HOXC5: variants seen among roughly 807,000 people sequenced by gnomAD.
HOXC5 encodes homeobox protein Hox-C5.
A neutral mutation model predicts 20.1 loss-of-function variants in HOXC5; 19 were observed. The ratio of observed to expected loss-of-function variants is 0.94; its 90% confidence interval spans 0.66 to 1.38. The LOEUF (loss-of-function observed/expected upper bound fraction) is 1.38. Ranked by LOEUF, HOXC5 falls within the 40% of genes most tolerant of loss-of-function variation. The pLI, the probability that HOXC5 is intolerant of heterozygous loss-of-function variation, is 0.00. For missense variants in HOXC5, 330 were observed against 300.1 expected (o/e 1.10, Z -0.74); for synonymous variants, 124 against 117.0 (o/e 1.06, Z -0.39).
chr12:54,024,020 T>C, the HOXC5 span, among the ~76,000 whole-genome samples: 2 of 152,210 alleles, frequency 1.3e-5, no homozygotes, highest in African/African-American at 4.8e-5. Flanking sequence ...ATTTATTTTT[T>C]AATTTCTAAA....
At chr12:54,032,156 CCACACA>C (rs905533367), upstream of HOXC5, among the ~76,000 whole-genome samples, 1 of 152,182 alleles carries the variant, frequency 6.6e-6, no homozygotes, top group Non-Finnish European at 1.5e-5. Flanking sequence ...CTGTCCGTGT[CCACACA>C]CACACTTGAA....
At chr12:54,026,633 T>C in the HOXC5 span, among the ~76,000 whole-genome samples, 1 of 152,182 alleles carries the variant, frequency 6.6e-6, no homozygotes, top group Non-Finnish European at 1.5e-5. Context: ...CTGTATTTTC[T>C]AAAACCAACA....
rs764070592 is a variant in HOXC5 at position 54,034,361 on chromosome 12, C to T, written c.538C>T (p.Leu180Phe). Residue 180 changes from leucine to phenylalanine, a missense_variant, in exon 2 of 2, where the codon CTC (leucine) becomes TTC (phenylalanine). Physicochemically the swap from Leu to Phe is conservative, Grantham distance 22. Coordinates refer to ENST00000312492, the MANE Select transcript of HOXC5 (RefSeq NM_018953.4). ...LEKEFHFNRY[L>F]TRRRRIEIAN... ...GAAAGAATTCCACTTTAACCGCTAC[C>T]TCACTCGCCGCAGGCGCATAGAGAT... 6 of 1,614,230 alleles carry T rather than the reference C, an allele frequency of 3.7e-6. No homozygotes were observed. The highest frequency in any genetic ancestry group is 5.1e-6 in the Non-Finnish European group (6 of 1,180,022).
At position 54,034,736 on chromosome 12, in the gene HOXC5, G is replaced by C; in HGVS notation, c.*244G>C. 1 of 520,708 alleles carries C rather than the reference G, an allele frequency of 1.9e-6. No homozygotes were observed. The allele number at this position is 520,708 out of a possible 1,614,324, so 32.3% of individuals were successfully genotyped here. On this transcript the variant is annotated 3_prime_UTR_variant, in exon 2 of 2. Transcript: ENST00000312492. The stretch of plus-strand genomic sequence containing the variant: ...GGCTCAGCTCGGTACCCGGGGCCCA[G>C]GGCAAGCTCCGCAGGACTTCCCCGG...
At position 54,033,394 on chromosome 12, in the gene HOXC5, C is replaced by A. The variant is rs749931090; in HGVS notation, c.272C>A (p.Ala91Glu). The A allele has an allele frequency of 6.2e-7, 1 of 1,612,338 alleles. No individual in the cohort carries two copies. Among genetic ancestry groups the A allele is most frequent in the South Asian group, 1.1e-5 (1 of 90,958 alleles). Residue 91 changes from alanine to glutamate, a missense_variant, in exon 1 of 2, where the codon GCG (alanine) becomes GAG (glutamate). Coordinates refer to ENST00000312492, the MANE Select transcript of HOXC5 (RefSeq NM_018953.4). ...GGACACGCTCCGGGCAGAGACGAAGCGGCTCCTCTGAACCCCGGGATGTAC... is the reference window on the plus strand; with the variant it reads ...GGACACGCTCCGGGCAGAGACGAAGAGGCTCCTCTGAACCCCGGGATGTAC... ...APGHAPGRDE[A>E]APLNPGMYSQ... is the part of the protein sequence containing the mutation.
At position 54,034,617 on chromosome 12, in the gene HOXC5, C is replaced by G; in HGVS notation, c.*125C>G. ...TGCTGGAGCACTGGGCTCCCGGGCC[C>G]CACAGACAAAAGCGCTTTTCCTTGG... On this transcript the variant is annotated 3_prime_UTR_variant, in exon 2 of 2. Transcript: ENST00000312492. 3 of 775,812 alleles carry G rather than the reference C, an allele frequency of 3.9e-6. No individual in the cohort carries two copies. The highest frequency in any genetic ancestry group is 6.2e-6 in the Non-Finnish European group (3 of 486,838). 48.1% of individuals were successfully genotyped at this position (775,812 alleles called of 1,614,324 possible). A position where few individuals can be genotyped will look rare whatever the true frequency, so the allele number is the denominator to read the frequency against.
chr12:54,023,414 G>C, the HOXC5 span, among the ~76,000 whole-genome samples: 1 of 152,260 alleles, frequency 6.6e-6, no homozygotes, highest in Non-Finnish European at 1.5e-5. Context: ...TCTGGAAAGA[G>C]AGAGGGAGGA....
At chr12:54,022,109 G>C in the HOXC5 span, 1 of 152,176 alleles carries the variant, frequency 6.6e-6, no homozygotes, top group Non-Finnish European at 1.5e-5. Context: ...CCTTCCCCTG[G>C]TGACCACTTG....
rs1463196536 is a variant in HOXC5, at chr12:54,033,509, C to G, written c.387C>G (p.Ala129=). ...KEEQAQTGQP[A]GLSQPPAPPQ... ...AGCAGGCGCAGACAGGGCAGCCCGCCGGACTGAGCCAGCCACCGGCCCCGC... is the reference window on the plus strand; with the variant it reads ...AGCAGGCGCAGACAGGGCAGCCCGCGGGACTGAGCCAGCCACCGGCCCCGC... The change falls in exon 1 of 2, where the codon GCC becomes GCG. Residue 129 remains alanine, a synonymous_variant. Transcript: ENST00000312492. The G allele has an allele frequency of 7.6e-6, 12 of 1,586,460 alleles. No homozygotes were observed. Among genetic ancestry groups the G allele is most frequent in the East Asian group, 2.3e-5 (1 of 44,216 alleles).
chr12:54,030,096 A>G (rs1276684942), upstream of HOXC5: 25 of 895,070 alleles, frequency 2.8e-5, no homozygotes, highest in Non-Finnish European at 4.0e-5. Context: ...TAGGGAGTCA[A>G]ACGTGGACCT....
At chr12:54,022,973 A>G in the HOXC5 span, among the ~76,000 whole-genome samples, 1 of 152,124 alleles carries the variant, frequency 6.6e-6, no homozygotes, top group Non-Finnish European at 1.5e-5. Flanking sequence ...TTGAGGCCCT[A>G]TTCTGGGGGC....
upstream of HOXC5, chr12:54,029,619 G>A (rs1306676034): frequency 1.3e-6 from 2 of 1,593,016 alleles, no homozygotes; most frequent in Non-Finnish European, 1.7e-6. Flanking sequence ...ACGCTTTGCT[G>A]ATTGCTTTTA....
chr12:54,023,991 A>G, the HOXC5 span, among the ~76,000 whole-genome samples: 1 of 152,220 alleles, frequency 6.6e-6, no homozygotes, highest in East Asian at 1.9e-4. Context: ...TACACAAAAC[A>G]CCAGGCATTT....
the HOXC5 span, among the ~76,000 whole-genome samples, chr12:54,019,496 G>A: frequency 6.6e-5 from 10 of 152,260 alleles, 1 homozygote; most frequent in South Asian, 2.1e-3. Flanking sequence ...GGGAATCGCC[G>A]ACCGGTGAGG....
Position 54,034,314 on chromosome 12 carries a change from G to T in HOXC5, c.491G>T (p.Arg164Leu). ...AAGCGGTCCCGAACCAGTTACACGC[G>T]CTACCAGACTCTGGAACTCGAGAAA... is the stretch of plus-strand genomic sequence containing the variant. The part of the protein sequence containing the change: ...DGKRSRTSYT[R>L]YQTLELEKEF... Residue 164 changes from arginine (R) to leucine (L), a missense_variant, in exon 2 of 2, where the codon CGC becomes CTC. Coordinates refer to ENST00000312492, the MANE Select transcript of HOXC5 (RefSeq NM_018953.4). 1.2e-6 allele frequency: 2 copies of T among 1,614,100 alleles called. No homozygotes were observed. The highest frequency in any genetic ancestry group is 1.7e-6 in the Non-Finnish European group (2 of 1,180,030).
At position 54,034,569 on chromosome 12, in the gene HOXC5, CTA is replaced by C. The variant is rs1555186018; in HGVS notation, c.*81_*82del. 1.6e-6 allele frequency: 2 copies of C among 1,273,730 alleles called. No homozygotes were observed. The highest frequency in any genetic ancestry group is 2.2e-6 in the Non-Finnish European group (2 of 897,786). The allele number at this position is 1,273,730 out of a possible 1,614,324, so 78.9% of individuals were successfully genotyped here. A position where few individuals can be genotyped will look rare whatever the true frequency, so the allele number is the denominator to read the frequency against. The stretch of plus-strand genomic sequence containing the variant: ...CGCCTTTCCTTTTCGCCTTTCCTCT[CTA>C]TATTTCGGGTCGGGGGCAGGTGCTG... On this transcript the variant is annotated 3_prime_UTR_variant, in exon 2 of 2. Transcript: ENST00000312492.
At chr12:54,022,930 C>A in the HOXC5 span, among the ~76,000 whole-genome samples, 1 of 152,146 alleles carries the variant, frequency 6.6e-6, no homozygotes, top group Non-Finnish European at 1.5e-5. Context: ...CAGCACACCC[C>A]CTATTGCGGC....
upstream of HOXC5, chr12:54,030,293 CA>C (rs1295500813): frequency 5.6e-6 from 1 of 178,292 alleles, no homozygotes; most frequent in East Asian, 1.3e-4. Context: ...TTGGCTCCCC[CA>C]CTCCTTCGAC....
In HOXC5 at chr12:54,034,424, A is replaced by C; in HGVS notation, c.601A>C (p.Ile201Leu). Residue 201 changes from isoleucine to leucine, a missense_variant, in exon 2 of 2, where the codon ATC (isoleucine) becomes CTC (leucine). Physicochemically the swap from Ile to Leu is conservative, Grantham distance 5. Transcript: ENST00000312492. Reference sequence around the variant, plus strand: ...GTGTCTCAATGAGAGACAGATCAAGATCTGGTTCCAGAACCGCAGGATGAA... The same window carrying C: ...GTGTCTCAATGAGAGACAGATCAAGCTCTGGTTCCAGAACCGCAGGATGAA... ...NLCLNERQIKIWFQNRRMKWK... is the reference protein window; with the variant it reads ...NLCLNERQIKLWFQNRRMKWK... 13 of 1,614,266 alleles carry C rather than the reference A, an allele frequency of 8.1e-6. No individual in the cohort carries two copies. The highest frequency in any genetic ancestry group is 1.0e-5 in the Non-Finnish European group (12 of 1,180,042).
Sources: gnomAD v4.1 joint callset for allele counts (sites outside exome capture counted in the v4.1 genomes callset) on GRCh38, gnomAD v4.1.1 for gene constraint, MANE v1.5 for transcripts, NCBI Gene and HGNC (gene_info 2026-07-23, HGNC 2026-07-21) for gene names.